The following TAFA2 variants were observed in gnomAD, a reference collection of about 807,000 sequenced individuals.
The protein encoded by TAFA2 is chemokine-like protein TAFA-2.
TAFA2 carries 7 observed loss-of-function variants against 18.8 expected under a neutral mutation model. That is an observed-to-expected ratio of 0.37 (90% CI 0.21 to 0.70). The LOEUF is 0.70. TAFA2 is among the 30% of genes least tolerant of loss of function. The probability of loss-of-function intolerance (pLI) is 0.53; values close to 1 mark genes in which losing one functional copy is unlikely to be tolerated. For missense variants in TAFA2, 122 were observed against 158.1 expected (o/e 0.77, Z 1.23); for synonymous variants, 60 against 54.2 (o/e 1.11, Z -0.47).
intron 4 of TAFA2, among the ~76,000 whole-genome samples, chr12:61,750,057 A>C (rs1279059278): frequency 6.6e-6 from 1 of 151,754 alleles, no homozygotes; most frequent in Non-Finnish European, 1.5e-5. Context: ...AACCATGTTA[A>C]ATATTTTCTT....
intron 2 of TAFA2, among the ~76,000 whole-genome samples, chr12:61,819,200 G>C (rs1872218703): frequency 6.6e-6 from 1 of 152,156 alleles, no homozygotes; most frequent in African/African-American, 2.4e-5. Flanking sequence ...CTTAAAGAGA[G>C]AAACAGAGAA....
At chr12:61,947,362 A>T (rs1195755628) in intron 1 of TAFA2, among the ~76,000 whole-genome samples, 1 of 149,944 alleles carries the variant, frequency 6.7e-6, no homozygotes, top group Non-Finnish European at 1.5e-5. Context: ...ATGCTAGATG[A>T]CGAGTTAGTG....
intron 1 of TAFA2, among the ~76,000 whole-genome samples, chr12:61,869,874 T>C (rs1215448954): frequency 6.6e-6 from 1 of 152,194 alleles, no homozygotes; most frequent in Non-Finnish European, 1.5e-5. Flanking sequence ...ATTATTGTAC[T>C]GCATATCATA....
chr12:61,843,756 A>T (rs1289102835), intron 2 of TAFA2, among the ~76,000 whole-genome samples: 1 of 152,182 alleles, frequency 6.6e-6, no homozygotes, highest in African/African-American at 2.4e-5. Flanking sequence ...ATTTATAAAG[A>T]TGTGAAACAG....
At chr12:62,150,728 C>A (rs1224032122) in intron 1 of TAFA2, among the ~76,000 whole-genome samples, 2 of 152,006 alleles carry the variant, frequency 1.3e-5, no homozygotes, top group African/African-American at 4.8e-5. Context: ...CATGGTGAAA[C>A]CCCATCTCTA....
At chr12:61,942,177 C>T (rs1242297947) in intron 1 of TAFA2, among the ~76,000 whole-genome samples, 3 of 146,852 alleles carry the variant, frequency 2.0e-5, no homozygotes, top group Admixed American at 1.3e-4. Flanking sequence ...TGGGAGGCAC[C>T]CCCCAGCAGG....
chr12:62,195,236 C>T (rs1299544954), upstream of TAFA2, among the ~76,000 whole-genome samples: 1 of 152,258 alleles, frequency 6.6e-6, no homozygotes, highest in Non-Finnish European at 1.5e-5. Flanking sequence ...CCTCTCAACT[C>T]TGCCACTGCT....
intron 1 of TAFA2, among the ~76,000 whole-genome samples, chr12:62,128,276 G>T (rs944478153): frequency 6.6e-6 from 1 of 151,960 alleles, no homozygotes; most frequent in Non-Finnish European, 1.5e-5. Flanking sequence ...TCTATTCAGG[G>T]AAATGGTCCT....
chr12:61,881,008 A>G (rs1875109546), intron 1 of TAFA2, among the ~76,000 whole-genome samples: 1 of 152,166 alleles, frequency 6.6e-6, no homozygotes, highest in Admixed American at 6.5e-5. Context: ...TCTGCCAACT[A>G]TCAAAAAGAA....
At chr12:61,864,707 A>G (rs550778637) in intron 2 of TAFA2, among the ~76,000 whole-genome samples, 15 of 142,118 alleles carry the variant, frequency 1.1e-4, no homozygotes, top group African/African-American at 4.0e-4. Context: ...CGGGAGGCGG[A>G]GCTTTCAGTG....
chr12:61,928,492 C>T (rs34116035), intron 1 of TAFA2, among the ~76,000 whole-genome samples: 25,786 of 151,920 alleles, frequency 0.17, 2,271 homozygotes, highest in East Asian at 0.22. Flanking sequence ...GTTAGAATGG[C>T]GATCATTAAA....
chr12:62,216,314 G>A (rs1456279829), intron 1 of TAFA2, among the ~76,000 whole-genome samples: 1 of 152,164 alleles, frequency 6.6e-6, no homozygotes, highest in African/African-American at 2.4e-5. Flanking sequence ...GACCCATATA[G>A]TAGAGAAAGG....
intron 1 of TAFA2, among the ~76,000 whole-genome samples, chr12:62,035,538 C>G (rs556466351): frequency 6.9e-6 from 1 of 144,648 alleles, no homozygotes; most frequent in Non-Finnish European, 1.5e-5. Flanking sequence ...ATACAAAAGC[C>G]ATAAAATAAA....
intron 1 of TAFA2, among the ~76,000 whole-genome samples, chr12:62,246,474 AT>A (rs2062887042): frequency 6.6e-6 from 1 of 152,196 alleles, no homozygotes; most frequent in South Asian, 2.1e-4. Flanking sequence ...AATAACCTAT[AT>A]TCTTTAATTG....
intron 1 of TAFA2, among the ~76,000 whole-genome samples, chr12:62,138,514 C>T (rs1270176089): frequency 6.6e-6 from 1 of 152,138 alleles, no homozygotes; most frequent in Non-Finnish European, 1.5e-5. Flanking sequence ...CAATTCCAGG[C>T]ACACAGTATG....
chr12:61,753,567 C>T, intron 4 of TAFA2, 55 bp downstream of exon 4: 1 of 1,547,764 alleles, frequency 6.5e-7, no homozygotes. Flanking sequence ...TGCACAAGCT[C>T]CGTTCTCTAT....
At position 61,860,410 on chromosome 12, in the gene TAFA2, A is replaced by G. The variant is rs116429839; in HGVS notation, c.106+6910T>C. On this transcript the variant is annotated intron_variant, in intron 2 of 4. Transcript: ENST00000416284. ...ATCAACAAGAAAAACACTATGAATT[A>G]TAAATCAGTGCTCTTAAACTTTGGT... 4.0e-3 allele frequency among the ~76,000 whole-genome samples: 607 copies of G among 152,356 alleles called. 4 individuals are homozygous for G. Among genetic ancestry groups the G allele is most frequent in the African/African-American group, 0.014 (573 of 41,578 alleles).
intron 1 of TAFA2, among the ~76,000 whole-genome samples, chr12:62,059,115 A>T (rs1020184461): frequency 4.8e-5 from 4 of 84,112 alleles, no homozygotes; most frequent in Non-Finnish European, 1.1e-4. Context: ...AAAAAATAAT[A>T]ATAATATATA....
intron 2 of TAFA2, among the ~76,000 whole-genome samples, chr12:61,865,661 T>G (rs1275443214): frequency 1.3e-5 from 2 of 152,224 alleles, no homozygotes; most frequent in Non-Finnish European, 2.9e-5. Context: ...ATAACACTAT[T>G]TAAATGTCTT....
Sources: allele counts gnomAD v4.1 joint callset (sites outside exome capture counted in the v4.1 genomes callset), GRCh38; gene constraint gnomAD v4.1.1; transcripts MANE v1.5; gene names NCBI Gene and HGNC (gene_info 2026-07-23, HGNC 2026-07-21).